Variants in VAMP7 observed in about 807,000 individuals in gnomAD.
The protein encoded by VAMP7 is vesicle-associated membrane protein 7.
Under a neutral mutation model 29.6 loss-of-function variants are expected in VAMP7, and 14 were observed. The ratio of observed to expected loss-of-function variants is 0.47; its 90% confidence interval spans 0.31 to 0.74. The LOEUF (loss-of-function observed/expected upper bound fraction) is 0.74. Ranked by LOEUF, VAMP7 falls within the 30% of genes least tolerant of loss-of-function variation. The probability of loss-of-function intolerance (pLI) is 0.05; values close to 1 mark genes in which losing one functional copy is unlikely to be tolerated. For synonymous variants in VAMP7, 95 were observed against 88.1 expected, an observed-to-expected ratio of 1.08 and a Z score of -0.44; for missense variants, 223 against 262.4, an observed-to-expected ratio of 0.85 and a Z score of 1.04.
At chrX:155,916,788 A>AT (rs2066320132) in intron 5 of VAMP7, among the ~76,000 whole-genome samples, 1 of 151,698 alleles carries the variant, frequency 6.6e-6, no homozygotes, top group Non-Finnish European at 1.5e-5. Context: ...TGCCCTTAAC[A>AT]TTTTTTCCTG....
rs1452593155 is a variant in VAMP7 at position 155,942,053 on chromosome X, G to A, written c.*102G>A. On this transcript the variant is annotated 3_prime_UTR_variant, in exon 8 of 8. Transcript: ENST00000286448. ...ACATACTGACAGATGGTATCTGCCA[G>A]TCTCTTCAACCCTCTTCTCACTTTT... 3 of 1,602,922 alleles carry A rather than the reference G, an allele frequency of 1.9e-6. No homozygotes were observed. Among genetic ancestry groups the A allele is most frequent in the African/African-American group, 2.7e-5 (2 of 74,594 alleles).
At chrX:155,909,544 G>T (rs1259871607) in intron 5 of VAMP7, among the ~76,000 whole-genome samples, 2 of 151,846 alleles carry the variant, frequency 1.3e-5, no homozygotes, top group Non-Finnish European at 2.9e-5. Context: ...TTCTTTTCTA[G>T]ATCCATAAGG....
intron 6 of VAMP7, among the ~76,000 whole-genome samples, chrX:155,938,207 C>T (rs1179985557): frequency 6.6e-6 from 1 of 151,980 alleles, no homozygotes; most frequent in African/African-American, 2.4e-5. Context: ...CTTTTTTTGT[C>T]TCCTCACTTT....
In VAMP7 at chrX:155,898,234, C is replaced by G. The variant is rs28494975; in HGVS notation, c.327C>G (p.Val109=). 4.1e-3 allele frequency: 6,596 copies of G among 1,613,350 alleles called. 231 individuals are homozygous for G. In the African/African-American group the frequency reaches 0.079, roughly 19 times the overall value. Residue 109 remains valine (V), a synonymous_variant, in exon 4 of 8, where the codon GTC becomes GTG. Coordinates refer to ENST00000286448, the MANE Select transcript of VAMP7 (RefSeq NM_005638.6). The part of the protein sequence containing the change: ...PYAMNSEFSS[V]LAAQLKHHSE... ...CCATGAATAGCGAGTTCTCAAGTGT[C>G]TTAGCTGCACAGCTGGTAAGATCTT...
intron 2 of VAMP7, among the ~76,000 whole-genome samples, chrX:155,893,238 C>T (rs1339079159): frequency 6.6e-6 from 1 of 152,112 alleles, no homozygotes; most frequent in Non-Finnish European, 1.5e-5. Flanking sequence ...CATGTTTAAG[C>T]TGTCTATGGT....
chrX:155,929,583 A>G (rs775424674), intron 6 of VAMP7, among the ~76,000 whole-genome samples: 1 of 152,238 alleles, frequency 6.6e-6, no homozygotes, highest in East Asian at 1.9e-4. Flanking sequence ...CCTTTTGATC[A>G]AAATTTTTCT....
Position 155,942,148 on chromosome X carries a change from T to C in VAMP7, c.*197T>C, listed in dbSNP as rs1027833483. ...CCAGTTTATTCCTGTGAACTTCAGA[T>C]TGAACCATTCATTGCAGCAGTAGCC... On this transcript the variant is annotated 3_prime_UTR_variant, in exon 8 of 8. Transcript: ENST00000286448. 11 of 1,550,994 alleles carry C rather than the reference T, an allele frequency of 7.1e-6. No homozygotes were observed. The highest frequency in any genetic ancestry group is 2.7e-5 in the African/African-American group (2 of 73,002).
intron 5 of VAMP7, among the ~76,000 whole-genome samples, chrX:155,908,200 A>G (rs1453156802): frequency 1.3e-5 from 2 of 152,182 alleles, no homozygotes; most frequent in Admixed American, 6.5e-5. Context: ...TGGGAGGCCA[A>G]GGCAGGCGGC....
intron 5 of VAMP7, among the ~76,000 whole-genome samples, chrX:155,906,907 GAA>G (rs2124301050): frequency 6.6e-6 from 1 of 152,262 alleles, no homozygotes; most frequent in African/African-American, 2.4e-5. Context: ...GGGAGATCTT[GAA>G]GAATCTTCCA....
chrX:155,901,749 G>A (rs1166954673), intron 5 of VAMP7, among the ~76,000 whole-genome samples: 1 of 152,108 alleles, frequency 6.6e-6, no homozygotes. Context: ...TTTGGTACCA[G>A]TACCATGCTG....
intron 1 of VAMP7, among the ~76,000 whole-genome samples, chrX:155,881,791 C>T (rs2065804982): frequency 6.6e-6 from 1 of 152,136 alleles, no homozygotes; most frequent in Non-Finnish European, 1.5e-5. Context: ...CTCTCTACGT[C>T]CTTGTTCGAT....
rs751081922 is a variant in VAMP7, at chrX:155,942,925, G to A, written c.*974G>A. On this transcript the variant is annotated 3_prime_UTR_variant, in exon 8 of 8. Coordinates refer to ENST00000286448, the MANE Select transcript of VAMP7 (RefSeq NM_005638.6). Reference sequence around the variant, plus strand: ...CGGTCAGCAGTCAACTCCAGGGTTTGGGCTTGATTCCTGTTGAATAATAGT... The same window carrying A: ...CGGTCAGCAGTCAACTCCAGGGTTTAGGCTTGATTCCTGTTGAATAATAGT... 6.6e-6 allele frequency: 1 copy of A among 151,938 alleles called. No homozygotes were observed. Among genetic ancestry groups the A allele is most frequent in the South Asian group, 2.1e-4 (1 of 4,790 alleles). 9.4% of individuals were successfully genotyped at this position (151,938 alleles called of 1,614,324 possible).
At chrX:155,897,485 G>A (rs1289666358) in intron 3 of VAMP7, among the ~76,000 whole-genome samples, 2 of 152,120 alleles carry the variant, frequency 1.3e-5, no homozygotes, top group African/African-American at 2.4e-5. Flanking sequence ...TGAAATCTGG[G>A]ATAGTTAGAG....
chrX:155,926,160 T>C (rs971895152), intron 6 of VAMP7, among the ~76,000 whole-genome samples: 28 of 152,166 alleles, frequency 1.8e-4, no homozygotes, highest in African/African-American at 6.8e-4. Flanking sequence ...CAGCTTAAAG[T>C]CATCAGCTGC....
At position 155,923,139 on chromosome X, in the gene VAMP7, CAT is replaced by C. The variant is rs2066419207; in HGVS notation, c.501+3260_501+3261del. Among the ~76,000 whole-genome samples, 8 of 152,036 alleles carry C rather than the reference CAT, an allele frequency of 5.3e-5. No homozygotes were observed. The South Asian group carries it at 1.7e-3, about 32-fold the overall frequency. On this transcript the variant is annotated intron_variant, in intron 6 of 7. Coordinates refer to ENST00000286448, the MANE Select transcript of VAMP7 (RefSeq NM_005638.6). Reference sequence around the variant, plus strand: ...TATTGTTGACATATTTTTATTTACACATGTATTAAAAACTTCATAATACATTG... The same window carrying C: ...TATTGTTGACATATTTTTATTTACACGTATTAAAAACTTCATAATACATTG...
chrX:155,923,056 G>A (rs1484948582), intron 6 of VAMP7, among the ~76,000 whole-genome samples: 1 of 151,850 alleles, frequency 6.6e-6, no homozygotes, highest in African/African-American at 2.4e-5. Flanking sequence ...TCCACTTCAT[G>A]AATAGATAAG....
intron 2 of VAMP7, among the ~76,000 whole-genome samples, chrX:155,895,071 C>G (rs746877079): frequency 3.3e-5 from 5 of 152,180 alleles, no homozygotes; most frequent in Non-Finnish European, 7.3e-5. Context: ...CATGTACTGC[C>G]TTTAACTTTC....
chrX:155,892,478 C>T (rs1190831139), intron 2 of VAMP7, among the ~76,000 whole-genome samples: 1 of 152,098 alleles, frequency 6.6e-6, no homozygotes, highest in African/African-American at 2.4e-5. Flanking sequence ...GTTTTGCTTT[C>T]CAGCCATACT....
intron 6 of VAMP7, among the ~76,000 whole-genome samples, chrX:155,928,967 A>G (rs1304235581): frequency 6.6e-6 from 1 of 152,146 alleles, no homozygotes; most frequent in African/African-American, 2.4e-5. Flanking sequence ...CTTTGTTTGT[A>G]GTATATCCTC....
Sources: gnomAD v4.1 joint callset for allele counts (sites outside exome capture counted in the v4.1 genomes callset) on GRCh38, gnomAD v4.1.1 for gene constraint, MANE v1.5 for transcripts, NCBI Gene and HGNC (gene_info 2026-07-23, HGNC 2026-07-21) for gene names.